NXPE4: variants seen among roughly 807,000 people sequenced by gnomAD.
NXPE4 encodes NXPE family member 4.
NXPE4 carries 42 observed loss-of-function variants against 33.3 expected under a neutral mutation model. That is an observed-to-expected ratio of 1.26 (90% CI 0.98 to 1.63). The LOEUF is 1.63. Ranked by LOEUF, NXPE4 falls within the 40% of genes most tolerant of loss-of-function variation. The pLI, the probability that NXPE4 is intolerant of heterozygous loss-of-function variation, is 0.00. For missense variants in NXPE4, 709 were observed against 647.6 expected (o/e 1.09, Z -1.03); for synonymous variants, 253 against 234.9 (o/e 1.08, Z -0.71).
At chr11:114,614,675 A>G in the NXPE4 span, among the ~76,000 whole-genome samples, 1 of 151,926 alleles carries the variant, frequency 6.6e-6, no homozygotes, top group Admixed American at 6.6e-5. Context: ...CCACTGGATA[A>G]GTGTTGCCTC....
the NXPE4 span, among the ~76,000 whole-genome samples, chr11:114,627,801 C>T: frequency 2.6e-4 from 39 of 151,680 alleles, no homozygotes; most frequent in African/African-American, 9.2e-4. Context: ...CACACATGGG[C>T]TCAAAATAAA....
intron 2 of NXPE4, chr11:114,584,688 G>C (rs1285348009): frequency 6.5e-6 from 1 of 154,380 alleles, no homozygotes; most frequent in Admixed American, 6.5e-5. Flanking sequence ...AGCAGGTCAA[G>C]CTGGCCTGAG....
At chr11:114,633,273 ATTATG>A in the NXPE4 span, among the ~76,000 whole-genome samples, 1,147 of 136,588 alleles carry the variant, frequency 8.4e-3, 13 homozygotes, top group African/African-American at 0.029. Context: ...GTTATATAGT[ATTATG>A]TTATATTATA....
chr11:114,597,435 G>A (rs1224440873), upstream of NXPE4, among the ~76,000 whole-genome samples: 1 of 152,276 alleles, frequency 6.6e-6, no homozygotes, highest in East Asian at 1.9e-4. Flanking sequence ...AATGTAATGG[G>A]TATATTAAAA....
chr11:114,646,251 A>G, the NXPE4 span, among the ~76,000 whole-genome samples: 28 of 152,004 alleles, frequency 1.8e-4, no homozygotes, highest in South Asian at 4.1e-4. Flanking sequence ...TTTTAAAAAT[A>G]TGAGGGCTCT....
the NXPE4 span, among the ~76,000 whole-genome samples, chr11:114,676,389 A>G: frequency 1.3e-5 from 2 of 149,160 alleles, no homozygotes; most frequent in Non-Finnish European, 3.0e-5. Flanking sequence ...ATTAAATATA[A>G]AAGAACTCAA....
At chr11:114,601,293 A>T in the NXPE4 span, among the ~76,000 whole-genome samples, 4 of 149,896 alleles carry the variant, frequency 2.7e-5, no homozygotes, top group African/African-American at 9.8e-5. Context: ...ACTCTGTATG[A>T]TTTTGGGTAC....
intron 2 of NXPE4, chr11:114,583,415 C>T: frequency 1.5e-6 from 1 of 648,738 alleles, no homozygotes; most frequent in Admixed American, 1.9e-5. Context: ...GGAAACCCAT[C>T]ACCCTCACAA....
chr11:114,646,862 CA>C, the NXPE4 span, among the ~76,000 whole-genome samples: 1 of 151,956 alleles, frequency 6.6e-6, no homozygotes, highest in Non-Finnish European at 1.5e-5. Flanking sequence ...ATCCAAAAAA[CA>C]AAAAACAGAG....
the NXPE4 span, among the ~76,000 whole-genome samples, chr11:114,610,098 A>T: frequency 6.6e-6 from 1 of 151,648 alleles, no homozygotes; most frequent in African/African-American, 2.4e-5. Flanking sequence ...GGTGAATAAT[A>T]AGTGTTGTCT....
chr11:114,601,822 T>A, the NXPE4 span, among the ~76,000 whole-genome samples: 1 of 74,540 alleles, frequency 1.3e-5, no homozygotes, highest in African/African-American at 5.5e-5. Flanking sequence ...TAATTATATA[T>A]AATATATAAT....
chr11:114,571,138 C>T lies in NXPE4; in HGVS notation c.1435G>A (p.Glu479Lys), dbSNP rs1948874138. ...MVIIKTENIR[E>K]MYNDAERFSD... ...AATCTTTCTGCATCATTGTACATCT[C>T]CCTGATGTTTTCTGTTTTGATGATA... Residue 479 changes from glutamate to lysine, a missense_variant, in exon 6 of 6, where the codon GAG becomes AAG. By Grantham distance (56) the Glu-to-Lys change is moderately conservative. Coordinates refer to ENST00000375478, the MANE Select transcript of NXPE4 (RefSeq NM_001077639.2). The T allele has an allele frequency of 5.0e-6, 8 of 1,613,834 alleles. No individual in the cohort carries two copies. The highest frequency in any genetic ancestry group is 5.9e-6 in the Non-Finnish European group (7 of 1,179,836).
At chr11:114,580,553 C>T (rs1427495248) in intron 4 of NXPE4, among the ~76,000 whole-genome samples, 5 of 151,650 alleles carry the variant, frequency 3.3e-5, no homozygotes, top group East Asian at 3.9e-4. Flanking sequence ...CATTAATGTT[C>T]GTTATAAGAG....
At chr11:114,671,553 A>G in the NXPE4 span, among the ~76,000 whole-genome samples, 1 of 152,058 alleles carries the variant, frequency 6.6e-6, no homozygotes, top group African/African-American at 2.4e-5. Flanking sequence ...AAAATAATTT[A>G]TAACATACCA....
At chr11:114,576,988 T>TAC (rs1281200446) in intron 5 of NXPE4, among the ~76,000 whole-genome samples, 11 of 114,692 alleles carry the variant, frequency 9.6e-5, no homozygotes, top group African/African-American at 4.1e-4. Flanking sequence ...TATATATATA[T>TAC]ATACATATAT....
At chr11:114,658,040 C>T in the NXPE4 span, among the ~76,000 whole-genome samples, 1 of 152,172 alleles carries the variant, frequency 6.6e-6, no homozygotes, top group Non-Finnish European at 1.5e-5. Flanking sequence ...GTCTTCCTAA[C>T]ATAATTTTGT....
the NXPE4 span, among the ~76,000 whole-genome samples, chr11:114,637,836 G>C: frequency 2.0e-5 from 3 of 152,042 alleles, no homozygotes; most frequent in Non-Finnish European, 4.4e-5. Context: ...GAGATCTGCT[G>C]TTAGTCTGAT....
the NXPE4 span, among the ~76,000 whole-genome samples, chr11:114,607,360 C>G: frequency 1.3e-5 from 2 of 152,044 alleles, no homozygotes; most frequent in South Asian, 4.1e-4. Flanking sequence ...TGGGTAACCA[C>G]TGTTATCCGG....
the NXPE4 span, among the ~76,000 whole-genome samples, chr11:114,621,872 T>C: frequency 2.6e-5 from 4 of 151,206 alleles, no homozygotes; most frequent in African/African-American, 9.7e-5. Context: ...CACTGTTACC[T>C]GCTGGATAAT....
Sources: gnomAD v4.1 joint callset for allele counts (sites outside exome capture counted in the v4.1 genomes callset) on GRCh38, gnomAD v4.1.1 for gene constraint, MANE v1.5 for transcripts, NCBI Gene and HGNC (gene_info 2026-07-23, HGNC 2026-07-21) for gene names.